The following CRK variants were observed in gnomAD, a reference collection of about 807,000 sequenced individuals.
CRK encodes the protein adapter molecule crk.
In CRK, 4 loss-of-function variants were observed where a neutral mutation model predicts 29.8. The ratio of observed to expected loss-of-function variants is 0.13; its 90% CI spans 0.07 to 0.31. CRK has a LOEUF of 0.31. Among genes scored for constraint, CRK ranks in the 10% least tolerant of loss-of-function variants. The probability of loss-of-function intolerance (pLI) is 1.00; values close to 1 mark genes in which losing one functional copy is unlikely to be tolerated. For synonymous variants in CRK, 153 were observed against 164.9 expected, an observed-to-expected ratio of 0.93 and a Z score of 0.55; for missense variants, 274 against 396.5, an observed-to-expected ratio of 0.69 and a Z score of 2.62.
chr17:1,423,803 A>C (rs2073750421), intron 2 of CRK, among the ~76,000 whole-genome samples, 153 bp from the exon 3 acceptor site: 1 of 152,194 alleles, frequency 6.6e-6, no homozygotes, highest in Non-Finnish European at 1.5e-5. Flanking sequence ...CAGCCACCAG[A>C]CTGATTACTT....
chr17:1,430,586 C>T (rs1457801386), intron 2 of CRK, among the ~76,000 whole-genome samples: 1 of 148,686 alleles, frequency 6.7e-6, no homozygotes, highest in Non-Finnish European at 1.5e-5. Context: ...AGGATGGTCT[C>T]CATTTCCTGA....
intron 1 of CRK, among the ~76,000 whole-genome samples, chr17:1,451,289 G>A (rs914873962): frequency 6.6e-6 from 1 of 151,032 alleles, no homozygotes; most frequent in East Asian, 2.0e-4. Context: ...TAAAGCCAGT[G>A]GCACGATCTC....
chr17:1,444,596 G>GGC (rs373161217), intron 1 of CRK, among the ~76,000 whole-genome samples: 5 of 24,874 alleles, frequency 2.0e-4, no homozygotes, highest in East Asian at 7.3e-4. Flanking sequence ...AAGCCGAAGC[G>GGC]GGGGGGGGGA....
intron 2 of CRK, among the ~76,000 whole-genome samples, chr17:1,431,210 C>G (rs1383039123): frequency 6.6e-6 from 1 of 152,168 alleles, no homozygotes; most frequent in Non-Finnish European, 1.5e-5. Flanking sequence ...TCCTGTGGTG[C>G]CACATGTGGC....
chr17:1,433,516 T>A (rs1000457943), intron 2 of CRK, among the ~76,000 whole-genome samples: 9,832 of 135,044 alleles, frequency 0.073, 595 homozygotes, highest in Admixed American at 0.14. Flanking sequence ...TGGCTTTTTT[T>A]TTTTTTTTTT....
intron 2 of CRK, among the ~76,000 whole-genome samples, chr17:1,429,314 G>C (rs1157944090): frequency 1.3e-5 from 2 of 149,468 alleles, no homozygotes; most frequent in Non-Finnish European, 3.0e-5. Flanking sequence ...ACACTGTATT[G>C]ATCTCTCACC....
chr17:1,453,938 C>T lies in CRK; in HGVS notation c.241+1939G>A, dbSNP rs1434886384. On this transcript the variant is annotated intron_variant, in intron 1 of 2. Coordinates refer to ENST00000300574, the MANE Select transcript of CRK (RefSeq NM_016823.4). Reference sequence around the variant, plus strand: ...AAACAAAGCTGGGTGCGGTGGCCCACGCCTGTAATCCCAGCATTTTGGGAG... The same window carrying T: ...AAACAAAGCTGGGTGCGGTGGCCCATGCCTGTAATCCCAGCATTTTGGGAG... 7.9e-5 allele frequency among the ~76,000 whole-genome samples: 12 copies of T among 151,884 alleles called. No individual in the cohort carries two copies. In the East Asian group the frequency reaches 1.5e-3, roughly 20 times the overall value.
At chr17:1,455,748 G>A in intron 1 of CRK, 129 bp downstream of exon 1, 1 of 1,283,674 alleles carries the variant, frequency 7.8e-7, no homozygotes, top group Non-Finnish European at 1.0e-6. Flanking sequence ...CAGCCGGCGG[G>A]CCCCTGCCAC....
At chr17:1,430,053 T>TG (rs2073823663) in intron 2 of CRK, among the ~76,000 whole-genome samples, 1 of 151,976 alleles carries the variant, frequency 6.6e-6, no homozygotes, top group Non-Finnish European at 1.5e-5. Flanking sequence ...TGATTTTTTT[T>TG]TTTTTTTAAA....
chr17:1,440,623 C>G (rs915629263), intron 1 of CRK, among the ~76,000 whole-genome samples: 3 of 150,862 alleles, frequency 2.0e-5, no homozygotes, highest in African/African-American at 7.3e-5. Context: ...CCTAAAAAAA[C>G]AAAAAACAAG....
At chr17:1,445,300 G>A (rs536636740) in intron 1 of CRK, among the ~76,000 whole-genome samples, 3 of 152,206 alleles carry the variant, frequency 2.0e-5, no homozygotes, top group East Asian at 1.9e-4. Flanking sequence ...AAGGAGAGCC[G>A]TACATTTTTC....
chr17:1,436,443 C>T (rs1305394087), intron 2 of CRK, among the ~76,000 whole-genome samples, 177 bp downstream of exon 2: 2 of 152,058 alleles, frequency 1.3e-5, no homozygotes, highest in Non-Finnish European at 2.9e-5. Context: ...TTACTCATTC[C>T]CAAACAGGTT....
chr17:1,435,467 GAAAAAAAAA>G (rs11329958), intron 2 of CRK, among the ~76,000 whole-genome samples: 1 of 146,548 alleles, frequency 6.8e-6, no homozygotes, highest in Non-Finnish European at 1.5e-5. Flanking sequence ...AAGCAGAGAG[GAAAAAAAAA>G]AAAGAAAATA....
At chr17:1,455,648 G>A (rs2074050455) in intron 1 of CRK, among the ~76,000 whole-genome samples, 1 of 151,648 alleles carries the variant, frequency 6.6e-6, no homozygotes, top group Non-Finnish European at 1.5e-5. Context: ...CCCCTTCCCC[G>A]CGGCTGCCCT....
intron 2 of CRK, among the ~76,000 whole-genome samples, chr17:1,425,390 C>A (rs1277577553): frequency 6.6e-6 from 1 of 152,056 alleles, no homozygotes; most frequent in Admixed American, 6.6e-5. Flanking sequence ...CCACGCCTGG[C>A]CATCTTTTTA....
chr17:1,429,815 C>T (rs1400275866), intron 2 of CRK, among the ~76,000 whole-genome samples: 1 of 151,774 alleles, frequency 6.6e-6, no homozygotes, highest in Non-Finnish European at 1.5e-5. Context: ...TGCCTGTAGT[C>T]CCAGCTACTT....
chr17:1,433,991 C>A (rs1237222809), intron 2 of CRK, among the ~76,000 whole-genome samples: 1 of 152,076 alleles, frequency 6.6e-6, no homozygotes, highest in African/African-American at 2.4e-5. Context: ...TAAGTCACAG[C>A]ACCTGGCCAA....
chr17:1,449,585 G>A (rs1336942024), intron 1 of CRK, among the ~76,000 whole-genome samples: 3 of 152,078 alleles, frequency 2.0e-5, no homozygotes, highest in African/African-American at 7.2e-5. Flanking sequence ...AGGTAAATAA[G>A]GCCCAACCCA....
intron 2 of CRK, among the ~76,000 whole-genome samples, chr17:1,424,033 C>T (rs377281710): frequency 1.5e-4 from 22 of 151,724 alleles, no homozygotes; most frequent in South Asian, 1.0e-3. Context: ...CTGCCTGCTC[C>T]GCAGGCCCTG....
Sources: gnomAD v4.1 joint callset for allele counts (sites outside exome capture counted in the v4.1 genomes callset) on GRCh38, gnomAD v4.1.1 for gene constraint, MANE v1.5 for transcripts, NCBI Gene and HGNC (gene_info 2026-07-23, HGNC 2026-07-21) for gene names.